VWA3B: variants seen among roughly 807,000 people sequenced by gnomAD.
VWA3B encodes the protein von Willebrand factor A domain-containing protein 3B.
In VWA3B, 138 loss-of-function variants were observed where a neutral mutation model predicts 158.3. That is an observed-to-expected ratio of 0.87 (90% CI 0.76 to 1.00). The LOEUF is 1.00. VWA3B is among the 50% of genes least tolerant of loss of function. VWA3B has a pLI of 0.00. For synonymous variants in VWA3B, 596 were observed against 587.3 expected (o/e 1.01, Z -0.21); for missense variants, 1,555 against 1,565.1 (o/e 0.99, Z 0.11).
At chr2:98,306,437 G>A (rs1004548710) in intron 26 of VWA3B, among the ~76,000 whole-genome samples, 3 of 151,964 alleles carry the variant, frequency 2.0e-5, no homozygotes, top group Admixed American at 6.6e-5. Flanking sequence ...AGGGGTGTGC[G>A]GCTCCACAGA....
In VWA3B at chr2:98,312,735, T is replaced by C. The variant is rs534626033; in HGVS notation, c.*386T>C. The C allele has an allele frequency of 2.0e-4, 35 of 175,560 alleles. No individual in the cohort carries two copies. Among genetic ancestry groups the C allele is most frequent in the African/African-American group, 8.0e-4 (34 of 42,254 alleles). 10.9% of individuals were successfully genotyped at this position (175,560 alleles called of 1,614,324 possible). On this transcript the variant is annotated 3_prime_UTR_variant, in exon 28 of 28. Coordinates refer to ENST00000477737, the MANE Select transcript of VWA3B (RefSeq NM_144992.5). ...CTTGTTTTAAATTAATTATCACATC[T>C]AAATTAGAGAATTTGTCACCCAATA...
In VWA3B at chr2:98,187,972, T is replaced by C; in HGVS notation, c.1312-3T>C. 6.2e-7 allele frequency: 1 copy of C among 1,609,552 alleles called. No individual in the cohort carries two copies. Among genetic ancestry groups the C allele is most frequent in the Non-Finnish European group, 8.5e-7 (1 of 1,177,634 alleles). On this transcript the variant is annotated splice_polypyrimidine_tract_variant and splice_region_variant and intron_variant, in intron 9 of 27. Transcript: ENST00000477737. Reference sequence around the variant, plus strand: ...TGGCTTCTGTCCTTTGTCATCTCCTTAGGAGACGAACAAGAAGACAGTCCA... The same window carrying C: ...TGGCTTCTGTCCTTTGTCATCTCCTCAGGAGACGAACAAGAAGACAGTCCA...
chr2:98,106,995 A>T (rs964289193), intron 2 of VWA3B, among the ~76,000 whole-genome samples: 2 of 152,192 alleles, frequency 1.3e-5, no homozygotes, highest in Non-Finnish European at 2.9e-5. Flanking sequence ...ATAGATTTTT[A>T]AAAATTATAT....
At chr2:98,288,886 T>G (rs774065687) in intron 22 of VWA3B, among the ~76,000 whole-genome samples, 7 of 152,336 alleles carry the variant, frequency 4.6e-5, no homozygotes, top group Middle Eastern at 3.4e-3. Context: ...CTTTCCCCTT[T>G]CATTCCAACC....
intron 22 of VWA3B, among the ~76,000 whole-genome samples, chr2:98,287,116 G>A (rs1371664141): frequency 1.3e-5 from 2 of 152,028 alleles, no homozygotes. Context: ...TAAAAAGAGG[G>A]GAAAATTTTT....
At chr2:98,248,465 T>C (rs1417622828) in intron 19 of VWA3B, among the ~76,000 whole-genome samples, 5 of 152,116 alleles carry the variant, frequency 3.3e-5, no homozygotes, top group Non-Finnish European at 7.4e-5. Context: ...CTTTTATAGC[T>C]CTTGTTCCAT....
At chr2:98,324,031 T>G in the VWA3B span, among the ~76,000 whole-genome samples, 1 of 152,328 alleles carries the variant, frequency 6.6e-6, no homozygotes, top group South Asian at 2.1e-4. Flanking sequence ...CTTACAGTCT[T>G]TCTGGCTTGA....
chr2:98,310,062 T>C (rs1052732404), intron 26 of VWA3B, among the ~76,000 whole-genome samples: 10 of 152,206 alleles, frequency 6.6e-5, no homozygotes, highest in Non-Finnish European at 1.2e-4. Flanking sequence ...GCAATTCAGA[T>C]AGCAACAGCC....
intron 19 of VWA3B, among the ~76,000 whole-genome samples, chr2:98,238,770 C>CGT (rs1363781867): frequency 6.6e-6 from 1 of 152,040 alleles, no homozygotes; most frequent in Non-Finnish European, 1.5e-5. Flanking sequence ...TGATATCTTA[C>CGT]GTGTGTGTAT....
chr2:98,114,037 A>G (rs769970016), intron 2 of VWA3B, among the ~76,000 whole-genome samples: 9 of 152,230 alleles, frequency 5.9e-5, no homozygotes, highest in Non-Finnish European at 7.3e-5. Context: ...GATGGATGCC[A>G]TTCCAGTTTC....
intron 16 of VWA3B, among the ~76,000 whole-genome samples, chr2:98,233,484 A>C (rs1228832828): frequency 6.6e-6 from 1 of 152,222 alleles, no homozygotes; most frequent in Non-Finnish European, 1.5e-5. Flanking sequence ...GTGGGCTGCC[A>C]GTGTGGACAC....
At chr2:98,094,410 C>T (rs1682574595) in intron 2 of VWA3B, among the ~76,000 whole-genome samples, 1 of 151,944 alleles carries the variant, frequency 6.6e-6, no homozygotes, top group Non-Finnish European at 1.5e-5. Context: ...TTTTCATATA[C>T]CTGTTGGCCA....
rs190621702 is a variant in VWA3B at position 98,093,946 on chromosome 2, G to A, written c.196+658G>A. Among the ~76,000 whole-genome samples, 28 of 152,174 alleles carry A rather than the reference G, an allele frequency of 1.8e-4. 2 individuals carry two copies. The highest frequency in any genetic ancestry group is 1.5e-3 in the Admixed American group (23 of 15,282). ...ATTTAACATAATGCCCTTGAGGTTC[G>A]TTCACGTAGCAAATGACAGGATTTC... On this transcript the variant is annotated intron_variant, in intron 2 of 27. Coordinates refer to ENST00000477737, the MANE Select transcript of VWA3B (RefSeq NM_144992.5).
intron 8 of VWA3B, among the ~76,000 whole-genome samples, chr2:98,163,806 C>T (rs145173662): frequency 1.9e-3 from 286 of 152,104 alleles, no homozygotes; most frequent in African/African-American, 6.2e-3. Context: ...GCCTGGGGGA[C>T]GGTGGGAACG....
At chr2:98,330,333 C>A in the VWA3B span, among the ~76,000 whole-genome samples, 267 of 152,296 alleles carry the variant, frequency 1.8e-3, no homozygotes, top group African/African-American at 5.7e-3. Context: ...AGTCCCAGGA[C>A]TGCTCTAGGA....
chr2:98,228,217 C>G lies in VWA3B; in HGVS notation c.2035C>G (p.Leu679Val). 3 of 1,612,874 alleles carry G rather than the reference C, an allele frequency of 1.9e-6. No homozygotes were observed. The highest frequency in any genetic ancestry group is 2.5e-6 in the Non-Finnish European group (3 of 1,179,594). The change falls in exon 15 of 28, where the codon CTT (leucine) becomes GTT (valine). Residue 679 changes from leucine (L) to valine (V), a missense_variant. By Grantham distance (32) the Leu-to-Val change is conservative (BLOSUM62 1). Coordinates refer to ENST00000477737, the MANE Select transcript of VWA3B (RefSeq NM_144992.5). Reference sequence around the variant, plus strand: ...ATTTTGGCAGAATGAAGATCTGACTCTTTTAGTTAAGGAAATGGAACAGGG... The same window carrying G: ...ATTTTGGCAGAATGAAGATCTGACTGTTTTAGTTAAGGAAATGGAACAGGG... Reference protein sequence around the residue: ...PEAVQNEDLTLLVKEMEQGHS... With the variant: ...PEAVQNEDLTVLVKEMEQGHS...
At position 98,093,272 on chromosome 2, in the gene VWA3B, A is replaced by G; in HGVS notation, c.180A>G (p.Gly60=). The change falls in exon 2 of 28, where the codon GGA becomes GGG. Residue 60 remains glycine, a synonymous_variant. Transcript: ENST00000477737. ...LTLKQILSQI[G]FPHCEDYVAS... ...TGAAACAGATTTTGTCACAGATCGG[A>G]TTCCCACATTGTGAAGGTACAGTAC... 6.2e-7 allele frequency: 1 copy of G among 1,614,100 alleles called. No homozygotes were observed. The highest frequency in any genetic ancestry group is 8.5e-7 in the Non-Finnish European group (1 of 1,179,976).
At chr2:98,320,578 G>A in the VWA3B span, among the ~76,000 whole-genome samples, 1 of 152,226 alleles carries the variant, frequency 6.6e-6, no homozygotes, top group East Asian at 1.9e-4. Flanking sequence ...TAAAGTCCAG[G>A]CTGTGGTGGA....
chr2:98,120,359 G>A (rs1368169803), intron 4 of VWA3B, among the ~76,000 whole-genome samples: 1 of 152,196 alleles, frequency 6.6e-6, no homozygotes, highest in Non-Finnish European at 1.5e-5. Flanking sequence ...AACGGTTGGG[G>A]AAGGATCTAC....
Sources: allele counts gnomAD v4.1 joint callset (sites outside exome capture counted in the v4.1 genomes callset), GRCh38; gene constraint gnomAD v4.1.1; transcripts MANE v1.5; gene names NCBI Gene and HGNC (gene_info 2026-07-23, HGNC 2026-07-21).